Variants in SLC44A2 observed in about 807,000 individuals in gnomAD.
SLC44A2 encodes the protein choline transporter-like protein 2.
SLC44A2 carries 57 observed loss-of-function variants against 90.8 expected under a neutral mutation model. That is an observed-to-expected ratio of 0.63 (90% CI 0.51 to 0.78). The LOEUF is 0.78. Among genes scored for constraint, SLC44A2 ranks in the 30% least tolerant of loss-of-function variants. The pLI, the probability that SLC44A2 is intolerant of heterozygous loss-of-function variation, is 0.00. For synonymous variants in SLC44A2, 355 were observed against 360.7 expected (o/e 0.98, Z 0.18); for missense variants, 794 against 919.7 (o/e 0.86, Z 1.77).
At position 10,628,611 on chromosome 19, in the gene SLC44A2, A is replaced by G. The variant is rs753602228; in HGVS notation, c.245+607A>G. Among the ~76,000 whole-genome samples the G allele has an allele frequency of 1.1e-4, 16 of 152,302 alleles. No individual in the cohort carries two copies. The South Asian group carries it at 2.1e-3, about 20-fold the overall frequency. ...AAACGTCCCACTACCCTCAGCCACT[A>G]GTCTAGTCCTTGGGGACACACAGCT... On this transcript the variant is annotated intron_variant, in intron 4 of 21. Coordinates refer to ENST00000335757, the MANE Select transcript of SLC44A2 (RefSeq NM_020428.4).
chr19:10,624,417 C>T (rs2066914049), upstream of SLC44A2, among the ~76,000 whole-genome samples: 1 of 152,192 alleles, frequency 6.6e-6, no homozygotes, highest in Non-Finnish European at 1.5e-5. Context: ...GATTCTCCTG[C>T]CTCAGCTTCC....
chr19:10,635,773 C>CA, intron 14 of SLC44A2: 2 of 205,880 alleles, frequency 9.7e-6, no homozygotes, highest in Non-Finnish European at 9.3e-6. Flanking sequence ...TCCCTACTTC[C>CA]TTTTTTTTTT....
chr19:10,639,090 C>T (rs1299294966), intron 20 of SLC44A2, among the ~76,000 whole-genome samples: 1 of 152,150 alleles, frequency 6.6e-6, no homozygotes, highest in Non-Finnish European at 1.5e-5. Flanking sequence ...TGAACCACCA[C>T]ACCTGGCTAA....
intron 10 of SLC44A2, among the ~76,000 whole-genome samples, chr19:10,632,408 T>A (rs938890210): frequency 1.3e-5 from 2 of 151,482 alleles, no homozygotes; most frequent in African/African-American, 4.8e-5. Context: ...TGGAGGTGCA[T>A]GCCTGTAATC....
At chr19:10,617,311 A>G (rs1344263351) in intron 1 of SLC44A2, among the ~76,000 whole-genome samples, 1 of 152,156 alleles carries the variant, frequency 6.6e-6, no homozygotes, top group Non-Finnish European at 1.5e-5. Flanking sequence ...GGCAGAAACC[A>G]TTAGTATTTG....
chr19:10,603,483 C>G (rs887809308), intron 1 of SLC44A2, among the ~76,000 whole-genome samples: 1 of 152,090 alleles, frequency 6.6e-6, no homozygotes, highest in African/African-American at 2.4e-5. Context: ...ACTGAAGGGC[C>G]CTGGGGAGGG....
At chr19:10,633,249 C>T (rs1271235272) in intron 10 of SLC44A2, among the ~76,000 whole-genome samples, 2 of 151,414 alleles carry the variant, frequency 1.3e-5, no homozygotes, top group Non-Finnish European at 2.9e-5. Flanking sequence ...ACTGCAATCT[C>T]TGCCTCCCGG....
chr19:10,630,225 C>T (rs1348832979), intron 4 of SLC44A2, among the ~76,000 whole-genome samples: 1 of 152,078 alleles, frequency 6.6e-6, no homozygotes, highest in Non-Finnish European at 1.5e-5. Context: ...GTTGCGCACA[C>T]CCGTAGTCTC....
At chr19:10,633,613 G>A (rs906824625) in intron 10 of SLC44A2, among the ~76,000 whole-genome samples, 1 of 152,090 alleles carries the variant, frequency 6.6e-6, no homozygotes, top group African/African-American at 2.4e-5. Flanking sequence ...GCACCATCAT[G>A]CCTGGCTAAA....
chr19:10,641,018 TG>T, intron 20 of SLC44A2: 1 of 360,718 alleles, frequency 2.8e-6, no homozygotes, highest in Non-Finnish European at 5.3e-6. Flanking sequence ...ACCCGGGAGG[TG>T]GAGGTTGCAC....
chr19:10,625,728 C>A, intron 1 of SLC44A2, 58 bp downstream of exon 1: 1 of 1,218,990 alleles, frequency 8.2e-7, no homozygotes, highest in Non-Finnish European at 1.0e-6. Flanking sequence ...TCGGAGGGGG[C>A]CTTGAGAGAA....
intron 4 of SLC44A2, among the ~76,000 whole-genome samples, chr19:10,629,624 C>T (rs2066972337): frequency 6.6e-6 from 1 of 151,872 alleles, no homozygotes; most frequent in African/African-American, 2.4e-5. Context: ...GTGTCTCACT[C>T]TGTCAGCCAG....
At chr19:10,616,595 T>G (rs1411259111) in intron 1 of SLC44A2, among the ~76,000 whole-genome samples, 1 of 151,964 alleles carries the variant, frequency 6.6e-6, no homozygotes, top group African/African-American at 2.4e-5. Flanking sequence ...CCTGGCATAG[T>G]GGCTCACGCC....
At chr19:10,642,944 A>G (rs779705900) in intron 21 of SLC44A2, 8 of 1,592,724 alleles carry the variant, frequency 5.0e-6, no homozygotes, top group Non-Finnish European at 6.8e-6. Context: ...ACCCTACTTC[A>G]TGTCGCCCGA....
At chr19:10,623,655 A>G (rs1266219369), upstream of SLC44A2, among the ~76,000 whole-genome samples, 2 of 151,570 alleles carry the variant, frequency 1.3e-5, no homozygotes, top group Non-Finnish European at 2.9e-5. Flanking sequence ...AGCCTGGGTA[A>G]CACAGTGAGA....
Position 10,642,341 on chromosome 19 carries a change from G to A in SLC44A2, c.1930-26G>A, listed in dbSNP as rs769412219. 4.4e-6 allele frequency: 7 copies of A among 1,608,154 alleles called. No individual in the cohort carries two copies. In the South Asian group the frequency reaches 7.7e-5, roughly 18 times the overall value. On this transcript the variant is annotated intron_variant, in intron 20 of 21. Transcript: ENST00000335757. Reference sequence around the variant, plus strand: ...GCTGCTCTGGGAAGGACACGGAGCAGGGACAGCTCGTTTCTCCTTGCCCAG... The same window carrying A: ...GCTGCTCTGGGAAGGACACGGAGCAAGGACAGCTCGTTTCTCCTTGCCCAG...
chr19:10,604,209 AGAC>A (rs1473629969), intron 1 of SLC44A2, among the ~76,000 whole-genome samples: 3 of 152,226 alleles, frequency 2.0e-5, no homozygotes, highest in African/African-American at 7.2e-5. Context: ...GCAAAGAACA[AGAC>A]GTCGTGTGAT....
chr19:10,605,464 A>C (rs1483720061), intron 1 of SLC44A2, among the ~76,000 whole-genome samples: 1 of 152,102 alleles, frequency 6.6e-6, no homozygotes, highest in East Asian at 1.9e-4. Context: ...CGGTGAGCCG[A>C]GTTTGTGCCA....
At chr19:10,605,704 C>A (rs767550549) in intron 1 of SLC44A2, among the ~76,000 whole-genome samples, 14 of 149,482 alleles carry the variant, frequency 9.4e-5, no homozygotes, top group Non-Finnish European at 1.3e-4. Flanking sequence ...AAAAAGGACT[C>A]TTGGCCAGGC....
Sources: allele counts gnomAD v4.1 joint callset (sites outside exome capture counted in the v4.1 genomes callset), GRCh38; gene constraint gnomAD v4.1.1; transcripts MANE v1.5; gene names NCBI Gene and HGNC (gene_info 2026-07-23, HGNC 2026-07-21).